CDCA7L: variants seen among roughly 807,000 people sequenced by gnomAD.
CDCA7L encodes cell division cycle associated 7 like.
CDCA7L carries 44 observed loss-of-function variants against 57.4 expected under a neutral mutation model. That is an observed-to-expected ratio of 0.77 (90% CI 0.60 to 0.98). The LOEUF (loss-of-function observed/expected upper bound fraction) is 0.98. Among genes scored for constraint, CDCA7L ranks in the 50% least tolerant of loss-of-function variants. The probability of loss-of-function intolerance (pLI) is 0.00; values close to 1 mark genes in which losing one functional copy is unlikely to be tolerated. For missense variants in CDCA7L, 644 were observed against 580.6 expected, an observed-to-expected ratio of 1.11 and a Z score of -1.12; for synonymous variants, 236 against 202.8, an observed-to-expected ratio of 1.16 and a Z score of -1.39.
rs866840916 is a variant in CDCA7L, at chr7:21,940,228, C to T, written c.24+5553G>A. 4.5e-5 allele frequency: 29 copies of T among 646,396 alleles called. 1 individual carries two copies. Among genetic ancestry groups the T allele is most frequent in the Middle Eastern group, 7.8e-4 (1 of 1,282 alleles). 40.0% of individuals were successfully genotyped at this position (646,396 alleles called of 1,614,324 possible). A position where few individuals can be genotyped will look rare whatever the true frequency, so the allele number is the denominator to read the frequency against. ...GCAAGTCAAATAGCCTTGACTGTTTCAGGGCCAGGAAAGTGCAACCCTACA... is the reference window on the plus strand; with the variant it reads ...GCAAGTCAAATAGCCTTGACTGTTTTAGGGCCAGGAAAGTGCAACCCTACA... On this transcript the variant is annotated intron_variant, in intron 1 of 9. Transcript: ENST00000406877.
chr7:21,915,482 G>A (rs1003292120), intron 2 of CDCA7L, among the ~76,000 whole-genome samples: 4 of 151,922 alleles, frequency 2.6e-5, no homozygotes, highest in Non-Finnish European at 5.9e-5. Flanking sequence ...TTAGGGACAC[G>A]AACAGGGAAA....
chr7:21,924,724 A>G (rs1490114540), intron 1 of CDCA7L, among the ~76,000 whole-genome samples: 1 of 152,224 alleles, frequency 6.6e-6, no homozygotes, highest in Non-Finnish European at 1.5e-5. Flanking sequence ...AACACAATAC[A>G]GATCTTTAAA....
intron 7 of CDCA7L, among the ~76,000 whole-genome samples, chr7:21,905,084 G>A (rs769299274): frequency 7.2e-5 from 11 of 151,988 alleles, no homozygotes; most frequent in East Asian, 1.9e-4. Context: ...AATGCAGAAC[G>A]CAAAGCCTCC....
chr7:21,902,377 G>A (rs1784939143), intron 9 of CDCA7L, 25 bp from the exon 10 acceptor site: 8 of 1,610,092 alleles, frequency 5.0e-6, no homozygotes, highest in Non-Finnish European at 6.8e-6. Flanking sequence ...AGAAGTATTT[G>A]GTAAAGTAGT....
In CDCA7L at chr7:21,902,130, AT is replaced by A. The variant is rs1312346260; in HGVS notation, c.*191del. ...CAGGTCTGTGCATACATCTATATAG[AT>A]TCCTCTGCTCTGCTGTCTTCCTGAG... is the stretch of plus-strand genomic sequence containing the variant. On this transcript the variant is annotated 3_prime_UTR_variant, in exon 10 of 10. Transcript: ENST00000406877. The A allele has an allele frequency of 4.8e-6, 3 of 630,008 alleles. No individual in the cohort carries two copies. The highest frequency in any genetic ancestry group is 8.5e-6 in the Non-Finnish European group (3 of 352,830). 39.0% of individuals were successfully genotyped at this position (630,008 alleles called of 1,614,324 possible). A position where few individuals can be genotyped will look rare whatever the true frequency, so the allele number is the denominator to read the frequency against.
chr7:21,900,986 ACCGCTGTGTTTTTGCCATAGGCGC>A lies in CDCA7L; in HGVS notation c.*1312_*1335del. 4.5e-6 allele frequency: 7 copies of A among 1,555,370 alleles called. No homozygotes were observed. Among genetic ancestry groups the A allele is most frequent in the Non-Finnish European group, 6.1e-6 (7 of 1,151,680 alleles). On this transcript the variant is annotated 3_prime_UTR_variant, in exon 10 of 10. Transcript: ENST00000406877. ...AGTAGCAAGCTGCCACACAATTGCAACCGCTGTGTTTTTGCCATAGGCGCCCGCTGGGACACCCAAGCAGGAACC... is the reference window on the plus strand; with the variant it reads ...AGTAGCAAGCTGCCACACAATTGCAACCGCTGGGACACCCAAGCAGGAACC...
chr7:21,944,598 T>G (rs970999537), intron 1 of CDCA7L: 2 of 152,138 alleles, frequency 1.3e-5, no homozygotes, highest in African/African-American at 4.8e-5. Context: ...AAAAATATTC[T>G]CAGAAACATC....
At chr7:21,902,862 T>TGGTTTATATAAGTAAGTAAGTCACAC in intron 9 of CDCA7L, 116 bp downstream of exon 9, 2 of 884,918 alleles carry the variant, frequency 2.3e-6, no homozygotes, top group Admixed American at 2.2e-5. Flanking sequence ...ATGGTACTCG[T>TGGTTTATATAAGTAAGTAAGTCACAC]GGTTTATATA....
At chr7:21,938,720 T>A (rs1463294170) in intron 1 of CDCA7L, among the ~76,000 whole-genome samples, 1 of 152,136 alleles carries the variant, frequency 6.6e-6, no homozygotes, top group African/African-American at 2.4e-5. Context: ...TTAAAAGAAA[T>A]GACGTCAGGC....
intron 1 of CDCA7L, among the ~76,000 whole-genome samples, chr7:21,924,759 T>G (rs1195531674): frequency 1.3e-5 from 2 of 152,242 alleles, no homozygotes; most frequent in East Asian, 3.9e-4. Context: ...CAATCAAAAT[T>G]AAGAACTTCT....
At chr7:21,927,570 C>A (rs1051907074) in intron 1 of CDCA7L, among the ~76,000 whole-genome samples, 9 of 151,998 alleles carry the variant, frequency 5.9e-5, no homozygotes, top group African/African-American at 2.2e-4. Flanking sequence ...ATGGGAGACT[C>A]AGAAAGAAAA....
intron 4 of CDCA7L, among the ~76,000 whole-genome samples, chr7:21,907,236 G>A (rs984930144): frequency 1.3e-5 from 2 of 152,076 alleles, no homozygotes; most frequent in Admixed American, 6.6e-5. Flanking sequence ...AAATCATAAA[G>A]AAAATAGCTT....
chr7:21,901,232 T>TGGCTCTGCTTCTAGAAGC lies in CDCA7L; in HGVS notation c.*1072_*1089dup, dbSNP rs758987460. ...ACTGCAAAATGGGTTCTGGCTGGAG[T>TGGCTCTGCTTCTAGAAGC]GGCTCTGCTTCTAGAAGCGTAAGGT... is the stretch of plus-strand genomic sequence containing the variant. On this transcript the variant is annotated 3_prime_UTR_variant, in exon 10 of 10. Coordinates refer to ENST00000406877, the MANE Select transcript of CDCA7L (RefSeq NM_018719.5). 6 of 1,608,694 alleles carry TGGCTCTGCTTCTAGAAGC rather than the reference T, an allele frequency of 3.7e-6. No individual in the cohort carries two copies. The highest frequency in any genetic ancestry group is 4.5e-5 in the East Asian group (2 of 44,638).
chr7:21,902,305 T>C lies in CDCA7L; in HGVS notation c.*17A>G. 1 of 1,613,684 alleles carries C rather than the reference T, an allele frequency of 6.2e-7. No individual in the cohort carries two copies. Among genetic ancestry groups the C allele is most frequent in the Non-Finnish European group, 8.5e-7 (1 of 1,179,592 alleles). On this transcript the variant is annotated 3_prime_UTR_variant, in exon 10 of 10. Transcript: ENST00000406877. Reference sequence around the variant, plus strand: ...GAGTACTCTATGGTGAGGTGGCTGGTTCTGTTTGTTTTCCTCTTAATTGTC... The same window carrying C: ...GAGTACTCTATGGTGAGGTGGCTGGCTCTGTTTGTTTTCCTCTTAATTGTC...
In CDCA7L at chr7:21,902,254, G is replaced by GCACCAATGAAATCTTTCTTAGT; in HGVS notation, c.*67_*68insACTAAGAAAGATTTCATTGGTG. The GCACCAATGAAATCTTTCTTAGT allele has an allele frequency of 7.3e-7, 1 of 1,377,266 alleles. No homozygotes were observed. The highest frequency in any genetic ancestry group is 1.0e-6 in the Non-Finnish European group (1 of 969,850). 85.3% of individuals were successfully genotyped at this position (1,377,266 alleles called of 1,614,324 possible). On this transcript the variant is annotated 3_prime_UTR_variant, in exon 10 of 10. Transcript: ENST00000406877. ...ACAACTGTAAAAAAATCTTTCTTAGGCACCAATGGTATGCATGTCTTGTTG... is the reference window on the plus strand; with the variant it reads ...ACAACTGTAAAAAAATCTTTCTTAGGCACCAATGAAATCTTTCTTAGTCACCAATGGTATGCATGTCTTGTTG...
intron 2 of CDCA7L, among the ~76,000 whole-genome samples, chr7:21,912,182 AC>A (rs1178677462): frequency 2.0e-5 from 3 of 151,910 alleles, no homozygotes; most frequent in Non-Finnish European, 4.4e-5. Flanking sequence ...GGATTACCCA[AC>A]CCTGGGAGGT....
At chr7:21,902,936 A>AAGATTT in intron 9 of CDCA7L, 42 bp downstream of exon 9, 1 of 1,597,340 alleles carries the variant, frequency 6.3e-7, no homozygotes. Context: ...GCTCAGCCTC[A>AAGATTT]AGATTTCAAG....
At chr7:21,908,554 C>A in intron 3 of CDCA7L, 47 bp from the exon 4 acceptor site, 1 of 1,401,020 alleles carries the variant, frequency 7.1e-7, no homozygotes, top group South Asian at 2.0e-5. Flanking sequence ...TGTTACAGAC[C>A]CACAAAAAAG....
At chr7:21,945,658 G>A in intron 1 of CDCA7L, 123 bp downstream of exon 1, 1 of 1,242,136 alleles carries the variant, frequency 8.1e-7, no homozygotes, top group South Asian at 1.3e-5. Flanking sequence ...CCGGCTGGGC[G>A]CGCCAGATCC....
Sources: allele counts gnomAD v4.1 joint callset (sites outside exome capture counted in the v4.1 genomes callset), GRCh38; gene constraint gnomAD v4.1.1; transcripts MANE v1.5; gene names NCBI Gene and HGNC (gene_info 2026-07-23, HGNC 2026-07-21).